The following EHBP1 variants were observed in gnomAD, a reference collection of about 807,000 sequenced individuals.
EHBP1 encodes the protein EH domain-binding protein 1.
A neutral mutation model predicts 144.0 loss-of-function variants in EHBP1; 55 were observed. The ratio of observed to expected loss-of-function variants is 0.38; its 90% CI spans 0.31 to 0.48. The LOEUF is 0.48. Ranked by LOEUF, EHBP1 falls within the 20% of genes least tolerant of loss-of-function variation. EHBP1 has a pLI of 0.98. For synonymous variants in EHBP1, 469 were observed against 472.7 expected, an observed-to-expected ratio of 0.99 and a Z score of 0.10; for missense variants, 1,200 against 1,364.2, an observed-to-expected ratio of 0.88 and a Z score of 1.90.
At chr2:62,760,247 C>T (rs1229350269) in intron 3 of EHBP1, among the ~76,000 whole-genome samples, 1 of 152,048 alleles carries the variant, frequency 6.6e-6, no homozygotes, top group East Asian at 1.9e-4. Flanking sequence ...GAAAGCTGGC[C>T]CTGACTGTAC....
rs117273068 is a variant in EHBP1, at chr2:62,759,750, T to C, written c.163-4516T>C. On this transcript the variant is annotated intron_variant, in intron 3 of 22. Transcript: ENST00000431489. The stretch of plus-strand genomic sequence containing the variant: ...TCAACCTCTTAAAAACCTAAATTAG[T>C]GTCTCTGTGGGTTAGTACAATTAGA... Among the ~76,000 whole-genome samples the C allele has an allele frequency of 1.3e-3, 195 of 152,274 alleles. 5 individuals are homozygous for C. The East Asian group carries it at 0.035, about 28-fold the overall frequency.
chr2:62,690,434 C>T (rs1205703559), intron 1 of EHBP1, among the ~76,000 whole-genome samples: 2 of 151,894 alleles, frequency 1.3e-5, no homozygotes, highest in African/African-American at 4.8e-5. Flanking sequence ...TGGTGGTGGG[C>T]ACCTGGAATC....
At chr2:62,770,087 A>G (rs776229092) in intron 4 of EHBP1, among the ~76,000 whole-genome samples, 5 of 152,204 alleles carry the variant, frequency 3.3e-5, no homozygotes, top group African/African-American at 4.8e-5. Flanking sequence ...CATAGGCAAT[A>G]CCTTCCTGAA....
At chr2:63,004,398 C>T (rs1019716783) in intron 19 of EHBP1, among the ~76,000 whole-genome samples, 9 of 151,958 alleles carry the variant, frequency 5.9e-5, no homozygotes, top group South Asian at 2.1e-4. Flanking sequence ...TAAGATAGGG[C>T]ATATGGGAAG....
intron 5 of EHBP1, 171 bp downstream of exon 5, chr2:62,771,563 TG>T (rs951646335): frequency 9.7e-6 from 5 of 515,600 alleles, no homozygotes; most frequent in African/African-American, 7.8e-5. Context: ...CAAAATTATT[TG>T]TAAGAAATGC....
At chr2:62,799,170 T>C (rs1418419332) in intron 5 of EHBP1, among the ~76,000 whole-genome samples, 3 of 152,170 alleles carry the variant, frequency 2.0e-5, no homozygotes, top group Non-Finnish European at 4.4e-5. Context: ...TAGGGAGCTG[T>C]GTAGTAGATG....
chr2:62,676,166 G>T lies in EHBP1; in HGVS notation c.-296+2083G>T, dbSNP rs1008508341. Among the ~76,000 whole-genome samples the T allele has an allele frequency of 5.7e-5, 7 of 123,404 alleles. No individual in the cohort carries two copies. The East Asian group carries it at 5.9e-4, about 10-fold the overall frequency. 81.0% of individuals were successfully genotyped at this position (123,404 alleles called of 152,430 possible). The stretch of plus-strand genomic sequence containing the variant: ...CCTTAATTAAGCAGGCCAAAATAGA[G>T]CTGCCCTCTTCAAAAAGCATGGTTA... On this transcript the variant is annotated intron_variant, in intron 1 of 22. Transcript: ENST00000405015.
intron 2 of EHBP1, among the ~76,000 whole-genome samples, chr2:62,738,984 C>G (rs2038421866): frequency 6.6e-6 from 1 of 152,118 alleles, no homozygotes; most frequent in African/African-American, 2.4e-5. Context: ...GGAGACTGTA[C>G]AAAGCTATTT....
chr2:62,704,736 A>C (rs925138750), upstream of EHBP1, among the ~76,000 whole-genome samples: 1 of 152,128 alleles, frequency 6.6e-6, no homozygotes, highest in African/African-American at 2.4e-5. Flanking sequence ...GGGTCTGTGA[A>C]CCACCTAAAA....
intron 9 of EHBP1, among the ~76,000 whole-genome samples, chr2:62,868,906 A>T (rs1430975904): frequency 3.3e-5 from 5 of 152,134 alleles, no homozygotes. Context: ...GTGAGCTATG[A>T]TCACTCCATT....
chr2:62,968,179 T>C (rs964472137), intron 14 of EHBP1, among the ~76,000 whole-genome samples: 29 of 152,136 alleles, frequency 1.9e-4, no homozygotes, highest in Non-Finnish European at 2.9e-4. Context: ...AGTTCATAAA[T>C]AAATAGTTTA....
chr2:62,958,079 A>T (rs1436077572), intron 14 of EHBP1, among the ~76,000 whole-genome samples: 1 of 152,194 alleles, frequency 6.6e-6, no homozygotes, highest in Non-Finnish European at 1.5e-5. Context: ...ACAAGTGTGG[A>T]AGGAATCTGG....
At position 62,757,421 on chromosome 2, in the gene EHBP1, T is replaced by C. The variant is rs553625668; in HGVS notation, c.163-6845T>C. Among the ~76,000 whole-genome samples the C allele has an allele frequency of 1.6e-4, 24 of 150,456 alleles. 1 individual carries two copies. Among genetic ancestry groups the C allele is most frequent in the African/African-American group, 5.4e-4 (22 of 40,796 alleles). ...GATAATCATTTCTTTCTTTCTTTTT[T>C]TTTTCTTTTTTTTTTTTTTTTTTTG... On this transcript the variant is annotated intron_variant, in intron 3 of 22. Coordinates refer to ENST00000431489, the MANE Select transcript of EHBP1 (RefSeq NM_001142616.3).
At chr2:62,719,729 C>G (rs971098364) in intron 2 of EHBP1, among the ~76,000 whole-genome samples, 2 of 152,166 alleles carry the variant, frequency 1.3e-5, no homozygotes, top group Non-Finnish European at 2.9e-5. Context: ...ATAGCATTTA[C>G]ATTGTATTAG....
rs143263838 is a variant in EHBP1 at position 62,972,798 on chromosome 2, T to C, written c.2461-6390T>C. 2.6e-5 allele frequency among the ~76,000 whole-genome samples: 4 copies of C among 152,346 alleles called. No homozygotes were observed. In the East Asian group the frequency reaches 7.7e-4, roughly 29 times the overall value. On this transcript the variant is annotated intron_variant, in intron 14 of 22. Transcript: ENST00000431489. ...GGCTCAAGATTTTGTGCTGTGTCCA[T>C]AAACTTTGTTTACTGTAGGGTTTTA...
chr2:62,919,503 G>C (rs953812124), intron 10 of EHBP1, among the ~76,000 whole-genome samples: 2 of 152,070 alleles, frequency 1.3e-5, no homozygotes, highest in Non-Finnish European at 2.9e-5. Context: ...TTTTTTTTAA[G>C]CACAAACAAA....
chr2:62,693,596 C>T (rs1279674792), intron 1 of EHBP1, among the ~76,000 whole-genome samples: 1 of 152,096 alleles, frequency 6.6e-6, no homozygotes, highest in Admixed American at 6.6e-5. Flanking sequence ...TATCTGTCAC[C>T]TCAAATATTT....
At chr2:63,008,094 A>T (rs1230275526) in intron 19 of EHBP1, among the ~76,000 whole-genome samples, 2 of 151,782 alleles carry the variant, frequency 1.3e-5, no homozygotes, top group Non-Finnish European at 3.0e-5. Context: ...TAATCATGAG[A>T]TATGCCACAT....
At chr2:62,957,921 A>G (rs926722031) in intron 14 of EHBP1, among the ~76,000 whole-genome samples, 17 of 152,136 alleles carry the variant, frequency 1.1e-4, no homozygotes, top group Admixed American at 9.8e-4. Context: ...GTGAAAATAA[A>G]TTATATTTCA....
Sources: gnomAD v4.1 joint callset for allele counts (sites outside exome capture counted in the v4.1 genomes callset) on GRCh38, gnomAD v4.1.1 for gene constraint, MANE v1.5 for transcripts, NCBI Gene and HGNC (gene_info 2026-07-23, HGNC 2026-07-21) for gene names.